Variants in COA8 observed in about 807,000 individuals in gnomAD.
COA8 encodes UPF0671 protein C14orf153.
In COA8, 20 loss-of-function variants were observed where a neutral mutation model predicts 22.0. The observed-to-expected ratio is 0.91, with a 90% CI of 0.64 to 1.32. The LOEUF is 1.32. COA8 is among the 40% of genes most tolerant of loss of function. The pLI is 0.00. For missense variants in COA8, 266 were observed against 230.0 expected (o/e 1.16, Z -1.01); for synonymous variants, 105 against 79.9 (o/e 1.31, Z -1.68).
chr14:103,574,910 A>G (rs2076219259), intron 3 of COA8, among the ~76,000 whole-genome samples: 1 of 152,206 alleles, frequency 6.6e-6, no homozygotes. Flanking sequence ...CTGTGCATAT[A>G]TCACCTGTTG....
chr14:103,566,498 C>T (rs962435725), intron 1 of COA8, among the ~76,000 whole-genome samples: 10 of 152,308 alleles, frequency 6.6e-5, no homozygotes, highest in African/African-American at 1.9e-4. Flanking sequence ...TTTTGAAAAC[C>T]GTGTCCTGTA....
chr14:103,568,470 C>T (rs900433954), intron 1 of COA8, among the ~76,000 whole-genome samples: 3 of 151,774 alleles, frequency 2.0e-5, no homozygotes, highest in Admixed American at 1.3e-4. Flanking sequence ...CATACATACA[C>T]ACACACATAT....
chr14:103,572,106 G>A (rs1199644956), intron 2 of COA8, among the ~76,000 whole-genome samples: 2 of 150,250 alleles, frequency 1.3e-5, no homozygotes, highest in African/African-American at 4.9e-5. Flanking sequence ...CAGCCTGGGT[G>A]ACAGAGCCAG....
chr14:103,569,798 A>C (rs1022854851), intron 1 of COA8, among the ~76,000 whole-genome samples: 1 of 152,224 alleles, frequency 6.6e-6, no homozygotes, highest in Non-Finnish European at 1.5e-5. Flanking sequence ...CCTTTAATGT[A>C]TGATAAGGAA....
chr14:103,588,933 T>A (rs2076330738), intron 4 of COA8, among the ~76,000 whole-genome samples: 1 of 152,218 alleles, frequency 6.6e-6, no homozygotes, highest in African/African-American at 2.4e-5. Flanking sequence ...TGGATTCCAT[T>A]TCTAAGGTTG....
intron 1 of COA8, among the ~76,000 whole-genome samples, chr14:103,569,142 G>T (rs1566978352): frequency 1.3e-5 from 2 of 152,090 alleles, no homozygotes; most frequent in Admixed American, 1.3e-4. Flanking sequence ...ATAGCCAATG[G>T]GACACCATGA....
chr14:103,590,182 G>A lies in COA8; in HGVS notation c.478G>A (p.Asp160Asn). The change falls in exon 5 of 5, where the codon GAT (aspartate) becomes AAT (asparagine). Residue 160 changes from aspartate (D) to asparagine (N), a missense_variant and splice_region_variant. By Grantham distance (23) the Asp-to-Asn change is conservative. Coordinates refer to ENST00000409074, the MANE Select transcript of COA8 (RefSeq NM_001370595.2). ...NFQKHMYYNRDWYKRNFAITF... is the reference protein window; with the variant it reads ...NFQKHMYYNRNWYKRNFAITF... The stretch of plus-strand genomic sequence containing the variant: ...TGTGCATCCTCTGTTTCTCTACAGA[G>A]ATTGGTACAAGCGCAATTTTGCCAT... The A allele has an allele frequency of 1.2e-6, 2 of 1,613,920 alleles. No homozygotes were observed. Among genetic ancestry groups the A allele is most frequent in the African/African-American group, 1.3e-5 (1 of 75,052 alleles).
At position 103,581,452 on chromosome 14, in the gene COA8, G is replaced by A. The variant is rs2076267118; in HGVS notation, c.386-5822G>A. ...GAGGTGCTGGACAGAGGGAGGAGTC[G>A]CCTCCTGGGCTGGTCGGAGTAGGAC... On this transcript the variant is annotated intron_variant, in intron 3 of 4. Coordinates refer to ENST00000409074, the MANE Select transcript of COA8 (RefSeq NM_001370595.2). The surrounding 1 kb of genome is among the most constrained non-coding windows in gnomAD (Gnocchi z 4.1). 3 of 391,546 alleles carry A rather than the reference G, an allele frequency of 7.7e-6. No homozygotes were observed. The highest frequency in any genetic ancestry group is 3.6e-5 in the East Asian group (1 of 27,650). The allele number at this position is 391,546 out of a possible 1,614,324, so 24.3% of individuals were successfully genotyped here.
intron 3 of COA8, chr14:103,574,416 G>A (rs754106897): frequency 1.5e-6 from 1 of 649,472 alleles, no homozygotes; most frequent in South Asian, 1.5e-5. Flanking sequence ...ACCAACCTCT[G>A]ACCTTTGACT....
chr14:103,568,502 C>T (rs1266639340), intron 1 of COA8, among the ~76,000 whole-genome samples: 1 of 151,666 alleles, frequency 6.6e-6, no homozygotes, highest in Non-Finnish European at 1.5e-5. Flanking sequence ...TATATACACA[C>T]ATGTATACAT....
intron 1 of COA8, 86 bp downstream of exon 1, chr14:103,563,210 C>T (rs776996177): frequency 4.7e-6 from 7 of 1,491,408 alleles, no homozygotes; most frequent in Non-Finnish European, 6.3e-6. Flanking sequence ...CCCTGTTCTG[C>T]ACAGCCGCCT....
At chr14:103,584,032 C>G (rs949642208) in intron 3 of COA8, among the ~76,000 whole-genome samples, 2 of 152,146 alleles carry the variant, frequency 1.3e-5, no homozygotes, top group Non-Finnish European at 2.9e-5. Context: ...CCTCCCAGCA[C>G]CTTTTGTTTG....
intron 3 of COA8, among the ~76,000 whole-genome samples, chr14:103,584,555 A>G (rs2076291523): frequency 6.6e-6 from 1 of 152,164 alleles, no homozygotes; most frequent in Admixed American, 6.6e-5. Context: ...CGTGGGTCTT[A>G]TGATCACGAA....
At position 103,568,567 on chromosome 14, in the gene COA8, A is replaced by G. The variant is rs1360733293; in HGVS notation, c.124-3056A>G. On this transcript the variant is annotated intron_variant, in intron 1 of 4. Transcript: ENST00000409074. The stretch of plus-strand genomic sequence containing the variant: ...CACATGTACACATATACACACATAT[A>G]TACGTGTGTGTGTATATATATATAT... Among the ~76,000 whole-genome samples the G allele has an allele frequency of 7.0e-5, 8 of 114,628 alleles. No individual in the cohort carries two copies. In the South Asian group the frequency reaches 2.0e-3, roughly 29 times the overall value. The allele number at this position is 114,628 out of a possible 152,430, so 75.2% of individuals were successfully genotyped here.
intron 2 of COA8, among the ~76,000 whole-genome samples, chr14:103,573,888 A>G (rs936627619): frequency 2.6e-5 from 4 of 152,148 alleles, no homozygotes; most frequent in Admixed American, 1.3e-4. Context: ...GCGTCTCCCA[A>G]AGTTTATTGA....
At chr14:103,564,936 G>A (rs1204335235) in intron 1 of COA8, among the ~76,000 whole-genome samples, 1 of 151,792 alleles carries the variant, frequency 6.6e-6, no homozygotes, top group Non-Finnish European at 1.5e-5. Context: ...CTCAAGATGA[G>A]AGACCTCTCT....
At chr14:103,563,606 T>C (rs1475038510) in intron 1 of COA8, among the ~76,000 whole-genome samples, 2 of 152,238 alleles carry the variant, frequency 1.3e-5, no homozygotes, top group African/African-American at 4.8e-5. Flanking sequence ...TGCATGTTAC[T>C]GGCCAAAGAT....
intron 1 of COA8, among the ~76,000 whole-genome samples, chr14:103,570,628 G>A (rs1320480456): frequency 6.6e-6 from 1 of 152,176 alleles, no homozygotes; most frequent in Non-Finnish European, 1.5e-5. Context: ...AGCTACTCAG[G>A]AGGCTGAGGC....
At chr14:103,584,322 A>T (rs992416571) in intron 3 of COA8, among the ~76,000 whole-genome samples, 1 of 152,118 alleles carries the variant, frequency 6.6e-6, no homozygotes, top group African/African-American at 2.4e-5. Context: ...TAATTAGCTC[A>T]ATCTCTACTC....
Sources: gnomAD v4.1 joint callset for allele counts (sites outside exome capture counted in the v4.1 genomes callset) on GRCh38, gnomAD v4.1.1 for gene constraint, Gnocchi (gnomAD v3.1) non-coding constraint, MANE v1.5 for transcripts, NCBI Gene and HGNC (gene_info 2026-07-23, HGNC 2026-07-21) for gene names.